Variants in ATR observed in about 807,000 individuals in gnomAD.
ATR encodes serine/threonine-protein kinase ATR.
A neutral mutation model predicts 305.3 loss-of-function variants in ATR; 142 were observed. The observed-to-expected ratio is 0.47, with a 90% confidence interval of 0.41 to 0.53. The LOEUF is 0.53. ATR is among the 20% of genes least tolerant of loss of function. ATR has a pLI of 0.00. For missense variants in ATR, 2,135 were observed against 3,133.1 expected, an observed-to-expected ratio of 0.68 and a Z score of 7.60; for synonymous variants, 1,050 against 1,068.1, an observed-to-expected ratio of 0.98 and a Z score of 0.33.
intron 46 of ATR, chr3:142,450,700 A>G (rs1160405359): frequency 3.8e-6 from 6 of 1,587,680 alleles, no homozygotes; most frequent in Non-Finnish European, 4.3e-6. Context: ...GGGTGCAACA[A>G]AAACACATTA....
intron 5 of ATR, 77 bp from the exon 6 acceptor site, chr3:142,560,531 A>G (rs1026877058): frequency 1.4e-6 from 2 of 1,400,614 alleles, no homozygotes; most frequent in African/African-American, 1.5e-5. Flanking sequence ...ATTTAGAATA[A>G]AACATACTAT....
rs2108311309 is a variant in ATR at position 142,485,225 on chromosome 3, A to G, written c.6136T>C (p.Tyr2046His). 6.2e-7 allele frequency: 1 copy of G among 1,614,202 alleles called. No individual in the cohort carries two copies. The highest frequency in any genetic ancestry group is 8.5e-7 in the Non-Finnish European group (1 of 1,180,012). Residue 2046 changes from tyrosine (Y) to histidine (H), a missense_variant, in exon 36 of 47, where the codon TAT becomes CAT. By Grantham distance (83) the Tyr-to-His change is moderately conservative (BLOSUM62 2). Coordinates refer to ENST00000350721, the MANE Select transcript of ATR (RefSeq NM_001184.4). ...GTGACCATGGGCATCAATTTGTCAT[A>G]GTACTTGGCAAGGTAAAAATGCCCA... ...EDGHFYLAKY[Y>H]DKLMPMVTDN...
In ATR at chr3:142,573,861, G is replaced by T. The variant is rs116731184; in HGVS notation, c.59+4785C>A. Reference sequence around the variant, plus strand: ...GGTGGTCAATGGTCACATTTGGCTAGTGGCTACCATAGTATAGGGCATCAC... The same window carrying T: ...GGTGGTCAATGGTCACATTTGGCTATTGGCTACCATAGTATAGGGCATCAC... On this transcript the variant is annotated intron_variant, in intron 1 of 46. Transcript: ENST00000350721. Among the ~76,000 whole-genome samples the T allele has an allele frequency of 1.8e-3, 278 of 152,274 alleles. 2 individuals carry two copies. The highest frequency in any genetic ancestry group is 6.5e-3 in the African/African-American group (270 of 41,536).
chr3:142,558,557 A>AATAGATAGATAGATAG lies in ATR; in HGVS notation c.1885+51_1885+66dup, dbSNP rs780538224. On this transcript the variant is annotated intron_variant, in intron 8 of 46. Coordinates refer to ENST00000350721, the MANE Select transcript of ATR (RefSeq NM_001184.4). ...AAATAAATAAATAAATAAATAAATA[A>AATAGATAGATAGATAG]ATAGATAGATAGATAGATAGATAGA... 70 of 620,124 alleles carry AATAGATAGATAGATAG rather than the reference A, an allele frequency of 1.1e-4. 1 individual carries two copies. The Middle Eastern group carries it at 1.6e-3, about 14-fold the overall frequency. 38.4% of individuals were successfully genotyped at this position (620,124 alleles called of 1,614,324 possible).
intron 21 of ATR, among the ~76,000 whole-genome samples, chr3:142,534,671 A>G (rs1240981377): frequency 6.6e-6 from 1 of 152,178 alleles, no homozygotes; most frequent in Non-Finnish European, 1.5e-5. Flanking sequence ...GAAAAAGTAA[A>G]CTTAAAGATT....
intron 36 of ATR, among the ~76,000 whole-genome samples, chr3:142,476,809 C>T (rs1175337807): frequency 2.0e-5 from 3 of 152,218 alleles, no homozygotes; most frequent in Non-Finnish European, 4.4e-5. Flanking sequence ...AGGTCCTTCA[C>T]ATCCCTTGTA....
intron 27 of ATR, among the ~76,000 whole-genome samples, chr3:142,511,553 A>G (rs1487304831): frequency 6.6e-6 from 1 of 151,802 alleles, no homozygotes; most frequent in Admixed American, 6.6e-5. Context: ...CTACTCGCAA[A>G]GCTGAGGCAG....
intron 13 of ATR, among the ~76,000 whole-genome samples, chr3:142,552,719 C>A (rs2034517672): frequency 2.0e-5 from 3 of 147,884 alleles, no homozygotes; most frequent in Admixed American, 2.0e-4. Flanking sequence ...AAATGCCCAT[C>A]AATGACAGAC....
At position 142,540,814 on chromosome 3, in the gene ATR, C is replaced by G. The variant is rs1014829328; in HGVS notation, c.3581+90G>C. On this transcript the variant is annotated intron_variant, in intron 18 of 46. Transcript: ENST00000350721. ...TTTCTACCTTATTTATTATTTGAAC[C>G]CAATTTCCCTCAAAGAGATAAGAAT... 4 of 1,426,896 alleles carry G rather than the reference C, an allele frequency of 2.8e-6. No homozygotes were observed. In the African/African-American group the frequency reaches 5.8e-5, roughly 21 times the overall value. The allele number at this position is 1,426,896 out of a possible 1,614,324, so 88.4% of individuals were successfully genotyped here. A position where few individuals can be genotyped will look rare whatever the true frequency, so the allele number is the denominator to read the frequency against.
chr3:142,486,991 G>A (rs961408259), intron 35 of ATR, among the ~76,000 whole-genome samples: 1 of 148,012 alleles, frequency 6.8e-6, no homozygotes, highest in Non-Finnish European at 1.5e-5. Context: ...ACAATTAGCC[G>A]GGCGGTGGCA....
In ATR at chr3:142,556,130, G is replaced by A. The variant is rs202050285; in HGVS notation, c.2088C>T (p.Val696=). ...NRVPKILIDK[V]KDDSDIVKKE... ...TCTTGACAATGTCAGAATCATCTTT[G>A]ACTTTATCTCTGGGGAAAAAAAAGA... is the stretch of plus-strand genomic sequence containing the variant. The change falls in exon 10 of 47, where the codon GTC becomes GTT. Residue 696 remains valine, a synonymous_variant. Coordinates refer to ENST00000350721, the MANE Select transcript of ATR (RefSeq NM_001184.4). 3.8e-5 allele frequency: 61 copies of A among 1,613,088 alleles called. No individual in the cohort carries two copies. The African/African-American group carries it at 5.1e-4, about 13-fold the overall frequency.
chr3:142,524,170 ACTGT>A lies in ATR; in HGVS notation c.3971_3974del (p.Asp1324ValfsTer4), dbSNP rs2108399800. The stretch of plus-strand genomic sequence containing the variant: ...GTGAGATAATAGGTTCTACTGTTTC[ACTGT>A]CTGTTGCATACTTTATCAGTTTTTC... On this transcript the variant is annotated frameshift_variant, in exon 22 of 47. Transcript: ENST00000350721. LOFTEE classifies it high-confidence loss of function. 1 of 1,613,960 alleles carries A rather than the reference ACTGT, an allele frequency of 6.2e-7. No individual in the cohort carries two copies. Among genetic ancestry groups the A allele is most frequent in the Non-Finnish European group, 8.5e-7 (1 of 1,179,860 alleles).
intron 36 of ATR, among the ~76,000 whole-genome samples, chr3:142,481,739 T>A (rs2030502037): frequency 6.6e-6 from 1 of 151,800 alleles, no homozygotes; most frequent in Non-Finnish European, 1.5e-5. Context: ...ATCCTTCCAT[T>A]TCAGCATCCC....
At chr3:142,558,541 A>C (rs572473764) in intron 8 of ATR, 83 bp downstream of exon 8, 1 of 1,001,366 alleles carries the variant, frequency 1.0e-6, no homozygotes, top group South Asian at 2.9e-5. Context: ...TAAATAAATA[A>C]ATAAATAAAT....
chr3:142,543,261 T>C (rs140063537), intron 16 of ATR, among the ~76,000 whole-genome samples: 1 of 152,178 alleles, frequency 6.6e-6, no homozygotes, highest in East Asian at 1.9e-4. Context: ...CACAAGACCA[T>C]GGGCATCAAA....
chr3:142,480,476 G>A (rs902771431), intron 36 of ATR, among the ~76,000 whole-genome samples: 8 of 152,246 alleles, frequency 5.3e-5, no homozygotes, highest in Non-Finnish European at 8.8e-5. Flanking sequence ...ACCCGGCCGT[G>A]TGAGGTGTCA....
intron 36 of ATR, among the ~76,000 whole-genome samples, chr3:142,475,612 C>T (rs1474286950): frequency 6.6e-6 from 1 of 152,198 alleles, no homozygotes; most frequent in East Asian, 1.9e-4. Flanking sequence ...GGTATATACC[C>T]AGTAATGGGA....
intron 16 of ATR, among the ~76,000 whole-genome samples, chr3:142,546,976 T>C (rs2034289805): frequency 6.6e-6 from 1 of 152,316 alleles, no homozygotes; most frequent in African/African-American, 2.4e-5. Context: ...AGAAGTTATT[T>C]ATATCCTACT....
chr3:142,511,320 T>C (rs1223433163), intron 27 of ATR, among the ~76,000 whole-genome samples: 1 of 152,158 alleles, frequency 6.6e-6, no homozygotes, highest in Non-Finnish European at 1.5e-5. Flanking sequence ...CTGTTCATCA[T>C]CTCATTTATT....
Sources: allele counts gnomAD v4.1 joint callset (sites outside exome capture counted in the v4.1 genomes callset), GRCh38; gene constraint gnomAD v4.1.1; transcripts MANE v1.5; gene names NCBI Gene and HGNC (gene_info 2026-07-23, HGNC 2026-07-21).